The following HECTD2 variants were observed in gnomAD, a reference collection of about 807,000 sequenced individuals.
HECTD2 encodes probable E3 ubiquitin-protein ligase HECTD2.
A neutral mutation model predicts 103.2 loss-of-function variants in HECTD2; 35 were observed. That is an observed-to-expected ratio of 0.34 (90% confidence interval 0.26 to 0.45). The LOEUF is 0.45. Among genes scored for constraint, HECTD2 ranks in the 20% least tolerant of loss-of-function variants. The pLI is 1.00. For synonymous variants in HECTD2, 281 were observed against 329.9 expected (o/e 0.85, Z 1.61); for missense variants, 596 against 937.4 (o/e 0.64, Z 4.76).
In HECTD2 at chr10:91,439,444, A is replaced by G. The variant is rs547533887; in HGVS notation, c.268+14034A>G. ...CGGTTCCATTGGTCTATATATATATATCTGTTTTGGTACCAGTATCATGCT... is the reference window on the plus strand; with the variant it reads ...CGGTTCCATTGGTCTATATATATATGTCTGTTTTGGTACCAGTATCATGCT... On this transcript the variant is annotated intron_variant, in intron 2 of 20. Transcript: ENST00000298068. 4.0e-5 allele frequency among the ~76,000 whole-genome samples: 6 copies of G among 151,658 alleles called. No homozygotes were observed. In the South Asian group the frequency reaches 1.2e-3, roughly 32 times the overall value.
At chr10:91,427,225 C>T (rs1404116254) in intron 2 of HECTD2, among the ~76,000 whole-genome samples, 1 of 151,642 alleles carries the variant, frequency 6.6e-6, no homozygotes, top group Non-Finnish European at 1.5e-5. Context: ...GTATATATGC[C>T]ACATTTTCTT....
intron 2 of HECTD2, among the ~76,000 whole-genome samples, chr10:91,429,886 T>A (rs1193842567): frequency 2.0e-4 from 30 of 152,358 alleles, no homozygotes; most frequent in African/African-American, 7.2e-4. Flanking sequence ...CCTTCAGTTC[T>A]GCTCTGATTT....
chr10:91,463,131 C>A (rs1227070196), intron 5 of HECTD2: 1 of 151,918 alleles, frequency 6.6e-6, no homozygotes, highest in Non-Finnish European at 1.5e-5. Flanking sequence ...ACTTTTGACT[C>A]CCCAGAAGCT....
intron 2 of HECTD2, among the ~76,000 whole-genome samples, chr10:91,438,707 G>A (rs988261374): frequency 1.2e-4 from 18 of 152,080 alleles, no homozygotes; most frequent in Admixed American, 3.3e-4. Flanking sequence ...GTGTAAAAGC[G>A]TTCCTGTTTC....
chr10:91,421,950 A>G (rs1257460745), intron 1 of HECTD2, among the ~76,000 whole-genome samples: 6 of 152,196 alleles, frequency 3.9e-5, no homozygotes, highest in Non-Finnish European at 7.4e-5. Context: ...TTCTTGGCCC[A>G]GGCTGTCATT....
At position 91,445,222 on chromosome 10, in the gene HECTD2, T is replaced by C. The variant is rs563760821; in HGVS notation, c.269-15205T>C. On this transcript the variant is annotated intron_variant, in intron 2 of 20. Transcript: ENST00000298068. ...TTGAATTGGCCACATGATTAGGGGA[T>C]TGATAACTGTTCCTGGCTAGCCAGC... 4.7e-4 allele frequency among the ~76,000 whole-genome samples: 71 copies of C among 152,146 alleles called. 2 individuals are homozygous for C. In the South Asian group the frequency reaches 0.015, roughly 31 times the overall value.
At chr10:91,486,795 T>C (rs1046848479) in intron 10 of HECTD2, 1 of 152,154 alleles carries the variant, frequency 6.6e-6, no homozygotes, top group African/African-American at 2.4e-5. Context: ...TGAAGAACTC[T>C]CAACTTTTAT....
At chr10:91,422,444 C>G (rs1843395780) in intron 1 of HECTD2, among the ~76,000 whole-genome samples, 1 of 152,228 alleles carries the variant, frequency 6.6e-6, no homozygotes, top group East Asian at 1.9e-4. Context: ...AAATTGGTTA[C>G]TTTCTTATAA....
chr10:91,456,611 A>G (rs1005749833), intron 2 of HECTD2, among the ~76,000 whole-genome samples: 54 of 152,242 alleles, frequency 3.5e-4, no homozygotes, highest in African/African-American at 9.9e-4. Flanking sequence ...TTCCAACACT[A>G]TGTTGAATGG....
At chr10:91,471,773 C>T (rs184787269) in intron 5 of HECTD2, among the ~76,000 whole-genome samples, 1 of 152,192 alleles carries the variant, frequency 6.6e-6, no homozygotes. Context: ...AGAGCATTAA[C>T]AATGAGAATT....
chr10:91,480,771 T>G (rs951618714), intron 6 of HECTD2, among the ~76,000 whole-genome samples: 31 of 152,132 alleles, frequency 2.0e-4, no homozygotes, highest in African/African-American at 7.2e-4. Flanking sequence ...AAGATTATCC[T>G]TTATTAAAAC....
chr10:91,435,584 C>T (rs1844079597), intron 2 of HECTD2, among the ~76,000 whole-genome samples: 1 of 152,012 alleles, frequency 6.6e-6, no homozygotes, highest in African/African-American at 2.4e-5. Context: ...AGTGCAGCTG[C>T]CACCTCAGGC....
chr10:91,510,647 T>G (rs1385757772), intron 20 of HECTD2, among the ~76,000 whole-genome samples: 1 of 152,198 alleles, frequency 6.6e-6, no homozygotes, highest in East Asian at 1.9e-4. Flanking sequence ...CATGAAACAC[T>G]GGCATAAAAA....
chr10:91,488,048 T>C (rs1846329463), intron 11 of HECTD2: 2 of 222,080 alleles, frequency 9.0e-6, no homozygotes, highest in Non-Finnish European at 1.8e-5. Context: ...TGAGAGCTTG[T>C]TGGACCTCGT....
Position 91,514,080 on chromosome 10 carries a change from T to C in HECTD2, c.*1696T>C, listed in dbSNP as rs534927242. Reference sequence around the variant, plus strand: ...AAAACTGCTTCTCTCTTACACTGCTTGAACTAGAAAATCAGCTTTTTAATG... The same window carrying C: ...AAAACTGCTTCTCTCTTACACTGCTCGAACTAGAAAATCAGCTTTTTAATG... On this transcript the variant is annotated 3_prime_UTR_variant, in exon 21 of 21. Transcript: ENST00000298068. 1.4e-4 allele frequency: 22 copies of C among 152,744 alleles called. No homozygotes were observed. The highest frequency in any genetic ancestry group is 1.2e-3 in the Admixed American group (18 of 15,296). The allele number at this position is 152,744 out of a possible 1,614,324, so 9.5% of individuals were successfully genotyped here. A position where few individuals can be genotyped will look rare whatever the true frequency, so the allele number is the denominator to read the frequency against.
At chr10:91,424,940 C>T (rs1843500025) in intron 1 of HECTD2, among the ~76,000 whole-genome samples, 1 of 151,966 alleles carries the variant, frequency 6.6e-6, no homozygotes, top group Non-Finnish European at 1.5e-5. Context: ...TTTAAATACA[C>T]AGTTAAAATT....
At chr10:91,509,290 T>A (rs555337365) in intron 20 of HECTD2, among the ~76,000 whole-genome samples, 1,581 of 149,342 alleles carry the variant, frequency 0.011, 18 homozygotes, top group Non-Finnish European at 0.017. Context: ...AAAATAAATT[T>A]AAAAAAAAAA....
At chr10:91,471,118 T>TCCA (rs1343629789) in intron 5 of HECTD2, among the ~76,000 whole-genome samples, 3 of 152,124 alleles carry the variant, frequency 2.0e-5, no homozygotes, top group African/African-American at 4.8e-5. Flanking sequence ...AACAAGCTAA[T>TCCA]CCACCATGAT....
At position 91,484,578 on chromosome 10, in the gene HECTD2, C is replaced by A; in HGVS notation, c.893C>A (p.Ala298Glu). 1 of 1,612,218 alleles carries A rather than the reference C, an allele frequency of 6.2e-7. No homozygotes were observed. The highest frequency in any genetic ancestry group is 8.5e-7 in the Non-Finnish European group (1 of 1,178,674). Reference sequence around the variant, plus strand: ...TTTATTTCTTTACGCCTGTTTCCTGCAAAGCCTGAAGAATTTCCACCTATA... The same window carrying A: ...TTTATTTCTTTACGCCTGTTTCCTGAAAAGCCTGAAGAATTTCCACCTATA... ...LQFISLRLFP[A>E]KPEEFPPITK... Residue 298 changes from alanine to glutamate, a missense_variant, in exon 9 of 21, where the codon GCA (alanine) becomes GAA (glutamate). Ala to Glu is a moderately radical substitution (Grantham distance 107). This residue lies in a region of HECTD2 where 303 missense variants were observed against 522.5 expected (regional missense o/e 0.58). Transcript: ENST00000298068.
Sources: allele counts gnomAD v4.1 joint callset (sites outside exome capture counted in the v4.1 genomes callset), GRCh38; gene constraint gnomAD v4.1.1; regional missense constraint gnomAD v4.1.1; transcripts MANE v1.5; gene names NCBI Gene and HGNC (gene_info 2026-07-23, HGNC 2026-07-21).